The following C8orf34 variants were observed in gnomAD, a reference collection of about 807,000 sequenced individuals.
The protein encoded by C8orf34 is uncharacterized protein C8orf34.
A neutral mutation model predicts 68.3 loss-of-function variants in C8orf34; 65 were observed. The ratio of observed to expected loss-of-function variants is 0.95; its 90% CI spans 0.78 to 1.17. The LOEUF (loss-of-function observed/expected upper bound fraction) is 1.17. Ranked by LOEUF, C8orf34 falls within the 50% of genes most tolerant of loss-of-function variation. C8orf34 has a pLI of 0.00. For synonymous variants in C8orf34, 244 were observed against 241.2 expected, an observed-to-expected ratio of 1.01 and a Z score of -0.11; for missense variants, 664 against 655.4, an observed-to-expected ratio of 1.01 and a Z score of -0.14.
intron 1 of C8orf34, among the ~76,000 whole-genome samples, chr8:68,433,770 A>T (rs919169826): frequency 6.6e-6 from 1 of 152,198 alleles, no homozygotes; most frequent in Non-Finnish European, 1.5e-5. Flanking sequence ...AATGAAATGG[A>T]TCTTTTACTA....
chr8:68,331,827 T>C (rs570905873), intron 1 of C8orf34, among the ~76,000 whole-genome samples: 15 of 102,244 alleles, frequency 1.5e-4, no homozygotes, highest in Non-Finnish European at 2.2e-4. Flanking sequence ...AGGGCGGTAA[T>C]AGAACCCGAA....
intron 4 of C8orf34, among the ~76,000 whole-genome samples, chr8:68,485,129 C>T (rs1813019968): frequency 2.0e-5 from 3 of 152,218 alleles, no homozygotes; most frequent in South Asian, 2.1e-4. Flanking sequence ...TAAAATTTTC[C>T]AGCCCTGAAA....
At chr8:68,421,721 GC>G (rs1464941959) in intron 1 of C8orf34, among the ~76,000 whole-genome samples, 1 of 152,168 alleles carries the variant, frequency 6.6e-6, no homozygotes, top group East Asian at 1.9e-4. Context: ...TCATCTGTCT[GC>G]AGTGGCAACA....
At chr8:68,419,161 G>C (rs1809823404) in intron 1 of C8orf34, among the ~76,000 whole-genome samples, 1 of 152,002 alleles carries the variant, frequency 6.6e-6, no homozygotes, top group African/African-American at 2.4e-5. Context: ...TCAAGAAGTG[G>C]GCGAAGGACA....
intron 5 of C8orf34, among the ~76,000 whole-genome samples, chr8:68,511,586 A>G (rs1267352199): frequency 6.6e-6 from 1 of 152,196 alleles, no homozygotes; most frequent in African/African-American, 2.4e-5. Flanking sequence ...TACTGAAACT[A>G]GAGGCAAGGG....
chr8:68,366,240 A>G (rs1343949625), intron 1 of C8orf34, among the ~76,000 whole-genome samples: 35 of 97,384 alleles, frequency 3.6e-4, no homozygotes, highest in Admixed American at 7.3e-4. Flanking sequence ...GCTCAAGGAA[A>G]TAAAAGAGGA....
At chr8:68,763,750 A>G (rs1304937881) in intron 10 of C8orf34, among the ~76,000 whole-genome samples, 1 of 152,182 alleles carries the variant, frequency 6.6e-6, no homozygotes, top group Non-Finnish European at 1.5e-5. Context: ...GCTTCTTGTA[A>G]TAATCCTCAT....
chr8:68,487,700 C>T (rs1474006445), intron 4 of C8orf34, among the ~76,000 whole-genome samples: 1 of 152,178 alleles, frequency 6.6e-6, no homozygotes, highest in Non-Finnish European at 1.5e-5. Context: ...ACTTTATTGT[C>T]ATCATAACAT....
chr8:68,368,526 G>A (rs1807415421), intron 1 of C8orf34, among the ~76,000 whole-genome samples: 1 of 152,120 alleles, frequency 6.6e-6, no homozygotes, highest in Non-Finnish European at 1.5e-5. Flanking sequence ...ATGCTGAAGA[G>A]AGTGGTAAAC....
chr8:68,709,319 G>A (rs1821266755), intron 9 of C8orf34, among the ~76,000 whole-genome samples: 1 of 152,138 alleles, frequency 6.6e-6, no homozygotes, highest in South Asian at 2.1e-4. Context: ...TCTGTTTAAG[G>A]TCCAAACAGA....
intron 1 of C8orf34, among the ~76,000 whole-genome samples, chr8:68,414,478 A>G (rs1464213135): frequency 2.0e-5 from 3 of 152,212 alleles, no homozygotes; most frequent in Admixed American, 2.0e-4. Flanking sequence ...TGATAGGAGG[A>G]AATTTTTTCA....
At chr8:68,528,507 T>C (rs1815108954) in intron 6 of C8orf34, among the ~76,000 whole-genome samples, 1 of 152,188 alleles carries the variant, frequency 6.6e-6, no homozygotes, top group Non-Finnish European at 1.5e-5. Flanking sequence ...TGCCCTCAAG[T>C]CTTCTGCTCC....
intron 7 of C8orf34, among the ~76,000 whole-genome samples, chr8:68,601,980 A>G (rs1817711988): frequency 6.6e-6 from 1 of 152,076 alleles, no homozygotes; most frequent in Non-Finnish European, 1.5e-5. Context: ...GGCCTCACGG[A>G]TGGAAGTTCA....
At chr8:68,747,690 A>G (rs1419179263) in intron 10 of C8orf34, among the ~76,000 whole-genome samples, 1 of 152,102 alleles carries the variant, frequency 6.6e-6, no homozygotes, top group East Asian at 1.9e-4. Context: ...GATGTGAAGG[A>G]CCTCTTCAAG....
intron 8 of C8orf34, among the ~76,000 whole-genome samples, chr8:68,663,230 G>A (rs904637448): frequency 3.9e-5 from 6 of 152,158 alleles, no homozygotes; most frequent in African/African-American, 1.4e-4. Flanking sequence ...TTGTTTCAGA[G>A]AAGAATATTG....
chr8:68,407,927 A>G (rs961181223), intron 1 of C8orf34, among the ~76,000 whole-genome samples: 2 of 152,148 alleles, frequency 1.3e-5, no homozygotes, highest in African/African-American at 4.8e-5. Context: ...CCTGTTTTAT[A>G]AAAGGAACAT....
chr8:68,463,023 A>G (rs1811919359), intron 3 of C8orf34, among the ~76,000 whole-genome samples: 2 of 152,130 alleles, frequency 1.3e-5, no homozygotes, highest in Non-Finnish European at 2.9e-5. Flanking sequence ...TGAAGGATCA[A>G]CAAAATTGAT....
intron 1 of C8orf34, among the ~76,000 whole-genome samples, chr8:68,391,860 C>G (rs1251665008): frequency 6.6e-6 from 1 of 152,118 alleles, no homozygotes; most frequent in Non-Finnish European, 1.5e-5. Context: ...CACTTTTGCA[C>G]ACATTTCATC....
intron 7 of C8orf34, chr8:68,625,644 G>A (rs1220647407): frequency 4.3e-6 from 3 of 701,606 alleles, no homozygotes; most frequent in African/African-American, 1.7e-5. Context: ...TTGCATCTCA[G>A]CGGTGGGAAA....
Sources: allele counts gnomAD v4.1 joint callset (sites outside exome capture counted in the v4.1 genomes callset), GRCh38; gene constraint gnomAD v4.1.1; transcripts MANE v1.5; gene names NCBI Gene and HGNC (gene_info 2026-07-23, HGNC 2026-07-21).